Variants in CLOCK observed in about 807,000 individuals in gnomAD.
The protein encoded by CLOCK is clock circadian regulator, also known as circadian locomoter output cycles protein kaput.
CLOCK carries 43 observed loss-of-function variants against 118.4 expected under a neutral mutation model. The ratio of observed to expected loss-of-function variants is 0.36; its 90% CI spans 0.28 to 0.47. CLOCK has a LOEUF of 0.47. CLOCK is among the 20% of genes least tolerant of loss of function. CLOCK has a pLI of 1.00. For synonymous variants in CLOCK, 326 were observed against 339.2 expected, an observed-to-expected ratio of 0.96 and a Z score of 0.43; for missense variants, 846 against 999.9, an observed-to-expected ratio of 0.85 and a Z score of 2.08.
At chr4:55,516,241 T>C (rs1729506965) in intron 1 of CLOCK, among the ~76,000 whole-genome samples, 2 of 152,228 alleles carry the variant, frequency 1.3e-5, no homozygotes, top group South Asian at 2.1e-4. Context: ...GTTGAATTCA[T>C]CTATGTTTTT....
At chr4:55,528,449 G>A (rs1730339823) in intron 1 of CLOCK, among the ~76,000 whole-genome samples, 1 of 152,108 alleles carries the variant, frequency 6.6e-6, no homozygotes, top group African/African-American at 2.4e-5. Flanking sequence ...GAAACCTGGG[G>A]AGTGAATGAG....
At chr4:55,515,675 G>A (rs1400761195) in intron 1 of CLOCK, among the ~76,000 whole-genome samples, 2 of 152,072 alleles carry the variant, frequency 1.3e-5, no homozygotes, top group Admixed American at 6.6e-5. Flanking sequence ...GAGCCACCAC[G>A]CCCAGCCTCT....
chr4:55,460,752 AAGCTTATATTC>A (rs1345086373), intron 9 of CLOCK, among the ~76,000 whole-genome samples: 2 of 152,212 alleles, frequency 1.3e-5, no homozygotes, highest in East Asian at 3.9e-4. Flanking sequence ...TCACTACTTC[AAGCTTATATTC>A]TTCGGTTATT....
At chr4:55,487,337 G>C (rs1316680036) in intron 3 of CLOCK, among the ~76,000 whole-genome samples, 1 of 151,524 alleles carries the variant, frequency 6.6e-6, no homozygotes, top group Non-Finnish European at 1.5e-5. Flanking sequence ...CTGAAGCTCT[G>C]TGTGATACAG....
chr4:55,504,108 C>A (rs570886801), intron 2 of CLOCK, among the ~76,000 whole-genome samples: 1 of 148,736 alleles, frequency 6.7e-6, no homozygotes, highest in South Asian at 2.1e-4. Flanking sequence ...CACAGTGAAA[C>A]CCTGTCTCTA....
At chr4:55,459,032 TATC>T in intron 10 of CLOCK, 22 bp from the exon 11 acceptor site, 1 of 1,573,310 alleles carries the variant, frequency 6.4e-7, no homozygotes, top group Non-Finnish European at 8.7e-7. Flanking sequence ...GGGAAATATG[TATC>T]ATCAGTTATG....
intron 4 of CLOCK, 73 bp from the exon 5 acceptor site, chr4:55,479,772 CA>C: frequency 8.5e-7 from 1 of 1,170,078 alleles, no homozygotes; most frequent in East Asian, 2.4e-5. Flanking sequence ...ACATGTAAAT[CA>C]ACTCAGTTAT....
At chr4:55,518,038 A>G (rs907858886) in intron 1 of CLOCK, among the ~76,000 whole-genome samples, 14 of 152,146 alleles carry the variant, frequency 9.2e-5, no homozygotes, top group African/African-American at 3.4e-4. Flanking sequence ...GTTGTTTCAG[A>G]TATGTGTGTA....
At chr4:55,450,916 TAAGC>T (rs1724384463) in intron 15 of CLOCK, among the ~76,000 whole-genome samples, 1 of 152,112 alleles carries the variant, frequency 6.6e-6, no homozygotes, top group South Asian at 2.1e-4. Context: ...GAGAATTGCT[TAAGC>T]CCAGGAGCTA....
chr4:55,438,614 T>G, intron 21 of CLOCK, 77 bp from the exon 22 acceptor site: 1 of 1,602,912 alleles, frequency 6.2e-7, no homozygotes, highest in Non-Finnish European at 8.5e-7. Context: ...GAGTAAATAC[T>G]TACCTAAGAT....
At position 55,456,209 on chromosome 4, in the gene CLOCK, T is replaced by A; in HGVS notation, c.875+9A>T. 6.4e-7 allele frequency: 1 copy of A among 1,554,134 alleles called. No individual in the cohort carries two copies. The highest frequency in any genetic ancestry group is 8.9e-7 in the Non-Finnish European group (1 of 1,129,108). ...ATTACCTTTTCATGGAATTTAAAAA[T>A]GGAATTACCTGTGATCTAGAAACAG... is the stretch of plus-strand genomic sequence containing the variant. On this transcript the variant is annotated intron_variant, in intron 12 of 22. Coordinates refer to ENST00000513440, the MANE Select transcript of CLOCK (RefSeq NM_004898.4).
intron 1 of CLOCK, among the ~76,000 whole-genome samples, chr4:55,533,480 T>C (rs997842813): frequency 1.3e-5 from 2 of 152,198 alleles, no homozygotes; most frequent in Admixed American, 6.5e-5. Flanking sequence ...AAAGTTTTGA[T>C]TTCCGAATAT....
chr4:55,429,656 C>T lies in CLOCK; in HGVS notation c.*5759G>A, dbSNP rs999794775. ...TGCTATTTCTTTTACTAACATTTCC[C>T]CAAATGGGCAAAATAGAGGCATCAT... On this transcript the variant is annotated 3_prime_UTR_variant, in exon 23 of 23. Transcript: ENST00000513440. 1 of 152,088 alleles carries T rather than the reference C, an allele frequency of 6.6e-6. No individual in the cohort carries two copies. The highest frequency in any genetic ancestry group is 2.4e-5 in the African/African-American group (1 of 41,400). 9.4% of individuals were successfully genotyped at this position (152,088 alleles called of 1,614,324 possible). A position where few individuals can be genotyped will look rare whatever the true frequency, so the allele number is the denominator to read the frequency against.
intron 1 of CLOCK, among the ~76,000 whole-genome samples, chr4:55,527,769 G>C (rs757076820): frequency 6.6e-6 from 1 of 152,092 alleles, no homozygotes; most frequent in Non-Finnish European, 1.5e-5. Flanking sequence ...TCAGCTGGGT[G>C]TGGTGGCTCA....
chr4:55,505,705 C>T (rs933488881), intron 2 of CLOCK, among the ~76,000 whole-genome samples: 1 of 151,390 alleles, frequency 6.6e-6, no homozygotes, highest in Non-Finnish European at 1.5e-5. Flanking sequence ...ATGTAATTTC[C>T]AGTTTTATAC....
At chr4:55,520,110 A>G (rs942001972) in intron 1 of CLOCK, among the ~76,000 whole-genome samples, 1 of 152,228 alleles carries the variant, frequency 6.6e-6, no homozygotes, top group Non-Finnish European at 1.5e-5. Context: ...AGTCAACAGG[A>G]TAAGATTCTG....
intron 2 of CLOCK, among the ~76,000 whole-genome samples, chr4:55,491,278 C>T (rs549365245): frequency 4.4e-4 from 43 of 98,630 alleles, no homozygotes; most frequent in African/African-American, 1.6e-3. Context: ...TCAAACAATG[C>T]AACTTTATAC....
intron 1 of CLOCK, among the ~76,000 whole-genome samples, chr4:55,516,702 T>C (rs975839514): frequency 1.3e-5 from 2 of 152,248 alleles, no homozygotes; most frequent in African/African-American, 2.4e-5. Flanking sequence ...AAAGTGATCA[T>C]TGATACAGTT....
chr4:55,479,527 T>C, intron 5 of CLOCK, 113 bp downstream of exon 5: 2 of 838,552 alleles, frequency 2.4e-6, no homozygotes, highest in Admixed American at 4.3e-5. Context: ...CTTGCTAATA[T>C]ATCTAAACTC....
Sources: gnomAD v4.1 joint callset for allele counts (sites outside exome capture counted in the v4.1 genomes callset) on GRCh38, gnomAD v4.1.1 for gene constraint, MANE v1.5 for transcripts, NCBI Gene and HGNC (gene_info 2026-07-23, HGNC 2026-07-21) for gene names.